The following SORCS1 variants were observed in gnomAD, a reference collection of about 807,000 sequenced individuals.
SORCS1 encodes sortilin related VPS10 domain containing receptor 1.
SORCS1 carries 60 observed loss-of-function variants against 146.1 expected under a neutral mutation model. That is an observed-to-expected ratio of 0.41 (90% CI 0.33 to 0.51). The LOEUF (loss-of-function observed/expected upper bound fraction) is 0.51, where lower values mean the gene tolerates loss of function less well. SORCS1 is among the 20% of genes least tolerant of loss of function. The probability of loss-of-function intolerance (pLI) is 0.21; values close to 1 mark genes in which losing one functional copy is unlikely to be tolerated. For missense variants in SORCS1, 1,352 were observed against 1,487.6 expected, an observed-to-expected ratio of 0.91 and a Z score of 1.50; for synonymous variants, 637 against 584.0, an observed-to-expected ratio of 1.09 and a Z score of -1.31.
At chr10:106,868,017 A>G (rs1950281425) in intron 2 of SORCS1, among the ~76,000 whole-genome samples, 1 of 152,072 alleles carries the variant, frequency 6.6e-6, no homozygotes, top group Non-Finnish European at 1.5e-5. Context: ...GAGGAAAATC[A>G]AATAGGAAAC....
At chr10:106,621,244 T>C (rs972326796) in intron 19 of SORCS1, among the ~76,000 whole-genome samples, 1 of 152,122 alleles carries the variant, frequency 6.6e-6, no homozygotes, top group African/African-American at 2.4e-5. Flanking sequence ...TAATTAGATG[T>C]ACCAACCTCA....
intron 1 of SORCS1, among the ~76,000 whole-genome samples, chr10:106,998,335 G>T (rs1164882299): frequency 6.6e-6 from 1 of 152,190 alleles, no homozygotes; most frequent in Non-Finnish European, 1.5e-5. Flanking sequence ...AACTACTAGG[G>T]TCATTCACGA....
intron 18 of SORCS1, among the ~76,000 whole-genome samples, chr10:106,650,608 A>C (rs1282337364): frequency 6.6e-6 from 1 of 152,154 alleles, no homozygotes; most frequent in Admixed American, 6.5e-5. Flanking sequence ...ATATCCTCAA[A>C]GTCCAATTTT....
chr10:106,578,656 T>G, intron 25 of SORCS1: 4 of 1,000,922 alleles, frequency 4.0e-6, no homozygotes, highest in African/African-American at 1.7e-5. Flanking sequence ...TTTGCCCTCC[T>G]TAAGAGCTGT....
chr10:106,952,795 G>C (rs985883757), intron 2 of SORCS1, among the ~76,000 whole-genome samples: 2 of 151,202 alleles, frequency 1.3e-5, no homozygotes, highest in Non-Finnish European at 2.9e-5. Context: ...GAGTAACAAA[G>C]TGGGACCCTG....
intron 17 of SORCS1, among the ~76,000 whole-genome samples, chr10:106,661,983 G>C (rs1850764430): frequency 6.6e-6 from 1 of 152,230 alleles, no homozygotes; most frequent in Non-Finnish European, 1.5e-5. Flanking sequence ...GTGTGGGTAT[G>C]AGAAACCCTG....
intron 4 of SORCS1, among the ~76,000 whole-genome samples, chr10:106,763,851 T>C (rs924869451): frequency 1.3e-5 from 2 of 152,226 alleles, no homozygotes; most frequent in Non-Finnish European, 2.9e-5. Flanking sequence ...CTAAAATTAC[T>C]CTAAAATATC....
chr10:106,698,980 C>G (rs958466770), intron 9 of SORCS1, among the ~76,000 whole-genome samples: 2 of 152,184 alleles, frequency 1.3e-5, no homozygotes, highest in African/African-American at 4.8e-5. Context: ...GTCCACAAAG[C>G]CTTCATGTCC....
intron 18 of SORCS1, among the ~76,000 whole-genome samples, chr10:106,630,741 A>G (rs924954317): frequency 6.6e-6 from 1 of 152,222 alleles, no homozygotes; most frequent in African/African-American, 2.4e-5. Flanking sequence ...TGTAGCTATA[A>G]AAGACCTACA....
At chr10:106,909,384 C>CAGAGAGAG (rs3045086) in intron 2 of SORCS1, among the ~76,000 whole-genome samples, 26 of 149,806 alleles carry the variant, frequency 1.7e-4, no homozygotes, top group Admixed American at 4.0e-4. Context: ...ATACAAATGA[C>CAGAGAGAG]AGAGAGAGAG....
At chr10:106,687,540 C>T (rs964747623) in intron 10 of SORCS1, among the ~76,000 whole-genome samples, 1 of 152,124 alleles carries the variant, frequency 6.6e-6, no homozygotes, top group Non-Finnish European at 1.5e-5. Flanking sequence ...GTGAAAGCAG[C>T]CGTCAACAAT....
rs1262365834 is a variant in SORCS1 at position 106,956,370 on chromosome 10, C to T, written c.626+143G>A. 3 of 700,308 alleles carry T rather than the reference C, an allele frequency of 4.3e-6. No individual in the cohort carries two copies. In the African/African-American group the frequency reaches 5.4e-5, roughly 13 times the overall value. 43.4% of individuals were successfully genotyped at this position (700,308 alleles called of 1,614,324 possible). A position where few individuals can be genotyped will look rare whatever the true frequency, so the allele number is the denominator to read the frequency against. ...CCTGGAGATAAAGCCCAGCGCATCA[C>T]TAAAGGAAACAGAGAAGAAAGAGAG... On this transcript the variant is annotated intron_variant, in intron 2 of 25. Transcript: ENST00000263054.
chr10:106,706,167 T>C (rs1854503703), intron 8 of SORCS1, among the ~76,000 whole-genome samples: 1 of 144,680 alleles, frequency 6.9e-6, no homozygotes, highest in South Asian at 2.2e-4. Flanking sequence ...TGAATGTTCC[T>C]ATAGCAACAA....
chr10:106,891,116 C>G (rs1369303588), intron 2 of SORCS1, among the ~76,000 whole-genome samples: 1 of 152,068 alleles, frequency 6.6e-6, no homozygotes. Context: ...AACATGGTTC[C>G]CGTATTACTT....
intron 6 of SORCS1, among the ~76,000 whole-genome samples, chr10:106,712,810 G>A (rs1023541875): frequency 3.9e-5 from 6 of 152,106 alleles, no homozygotes; most frequent in South Asian, 2.1e-4. Context: ...GTTCTTTGGC[G>A]AGCTACTGAA....
At chr10:106,707,319 T>A (rs1854605110) in intron 7 of SORCS1, among the ~76,000 whole-genome samples, 1 of 151,830 alleles carries the variant, frequency 6.6e-6, no homozygotes, top group South Asian at 2.1e-4. Context: ...CTCCAGAGTA[T>A]CTAGGATTAC....
rs145863998 is a variant in SORCS1, at chr10:106,993,803, G to A, written c.559-37223C>T. On this transcript the variant is annotated intron_variant, in intron 1 of 25. Coordinates refer to ENST00000263054, the MANE Select transcript of SORCS1 (RefSeq NM_052918.5). ...AGAAGGGAAAATGAGGCCAGGTGCC[G>A]TAGTTCATGCCTGTAATCCCTACAC... is the stretch of plus-strand genomic sequence containing the variant. 5.5e-3 allele frequency among the ~76,000 whole-genome samples: 842 copies of A among 152,180 alleles called. 5 individuals are homozygous for A. The highest frequency in any genetic ancestry group is 0.034 in the Middle Eastern group (10 of 294).
At chr10:106,684,918 G>A (rs1056748248) in intron 10 of SORCS1, among the ~76,000 whole-genome samples, 3 of 152,018 alleles carry the variant, frequency 2.0e-5, no homozygotes, top group African/African-American at 7.3e-5. Context: ...AGTGATTTTG[G>A]TCTCTCCTCC....
chr10:107,137,622 C>G (rs627544), intron 1 of SORCS1, among the ~76,000 whole-genome samples: 94,203 of 151,960 alleles, frequency 0.62, 29,603 homozygotes, highest in African/African-American at 0.69. Flanking sequence ...CAACACTTTG[C>G]GAGGTTGAGG....
Sources: gnomAD v4.1 joint callset for allele counts (sites outside exome capture counted in the v4.1 genomes callset) on GRCh38, gnomAD v4.1.1 for gene constraint, MANE v1.5 for transcripts, NCBI Gene and HGNC (gene_info 2026-07-23, HGNC 2026-07-21) for gene names.